Variants in MYCBPAP observed in about 807,000 individuals in gnomAD.
MYCBPAP encodes the protein MYCBP associated protein.
Under a neutral mutation model 106.1 loss-of-function variants are expected in MYCBPAP, and 60 were observed. The ratio of observed to expected loss-of-function variants is 0.57; its 90% confidence interval spans 0.46 to 0.70. MYCBPAP has a LOEUF of 0.70. MYCBPAP is among the 30% of genes least tolerant of loss of function. The pLI is 0.00. For synonymous variants in MYCBPAP, 407 were observed against 440.6 expected (o/e 0.92, Z 0.95); for missense variants, 1,064 against 1,169.3 (o/e 0.91, Z 1.31).
At chr17:50,522,890 C>G (rs774744477) in intron 10 of MYCBPAP, 49 bp from the exon 11 acceptor site, 6 of 1,575,442 alleles carry the variant, frequency 3.8e-6, no homozygotes, top group South Asian at 3.5e-5. Flanking sequence ...GTTGTTCACT[C>G]TAGGCCAGGG....
At chr17:50,520,969 G>A in intron 7 of MYCBPAP, 141 bp from the exon 8 acceptor site, 2 of 662,838 alleles carry the variant, frequency 3.0e-6, no homozygotes, top group Non-Finnish European at 5.2e-6. Flanking sequence ...GAGAACGGGA[G>A]TCTAGCTGCC....
At position 50,526,315 on chromosome 17, in the gene MYCBPAP, G is replaced by A. The variant is rs200781772; in HGVS notation, c.2169+48G>A. The A allele has an allele frequency of 1.2e-4, 183 of 1,523,584 alleles. 2 individuals are homozygous for A. The East Asian group carries it at 3.8e-3, about 32-fold the overall frequency. The allele number at this position is 1,523,584 out of a possible 1,614,324, so 94.4% of individuals were successfully genotyped here. A position where few individuals can be genotyped will look rare whatever the true frequency, so the allele number is the denominator to read the frequency against. ...CAATGGTAGAGAATATTCCTGCCTC[G>A]AACCAACAAGGGAGGACCCAGCAGC... On this transcript the variant is annotated intron_variant, in intron 14 of 18. Transcript: ENST00000323776.
intron 6 of MYCBPAP, 32 bp downstream of exon 6, chr17:50,519,121 A>C (rs1432853018): frequency 8.2e-6 from 5 of 609,166 alleles, no homozygotes; most frequent in East Asian, 1.3e-4. Context: ...GCCCGGGGGC[A>C]GGGGGGTCCA....
chr17:50,518,361 G>A (rs1299887828), intron 4 of MYCBPAP, among the ~76,000 whole-genome samples, 180 bp from the exon 5 acceptor site: 1 of 152,232 alleles, frequency 6.6e-6, no homozygotes, highest in Admixed American at 6.5e-5. Flanking sequence ...ACTGACAGCT[G>A]CTTTCAGGGC....
chr17:50,530,219 T>C (rs547950308), intron 18 of MYCBPAP: 25 of 439,058 alleles, frequency 5.7e-5, no homozygotes, highest in African/African-American at 4.6e-4. Context: ...GCAGACCAGG[T>C]GCGGTGGCTC....
intron 15 of MYCBPAP, 97 bp from the exon 16 acceptor site, chr17:50,528,058 G>C: frequency 2.1e-6 from 2 of 970,000 alleles, no homozygotes; most frequent in African/African-American, 1.6e-5. Context: ...ACAGCAGCTC[G>C]TGGCACCAGG....
intron 7 of MYCBPAP, 57 bp from the exon 8 acceptor site, chr17:50,521,053 G>A: frequency 3.6e-6 from 5 of 1,395,508 alleles, no homozygotes; most frequent in Non-Finnish European, 4.0e-6. Flanking sequence ...TTGAGAAGTG[G>A]GTGAGCAAGG....
Position 50,518,724 on chromosome 17 carries a change from G to A in MYCBPAP, c.652G>A (p.Glu218Lys), listed in dbSNP as rs763346426. 29 of 1,576,926 alleles carry A rather than the reference G, an allele frequency of 1.8e-5. No homozygotes were observed. The highest frequency in any genetic ancestry group is 2.3e-5 in the Non-Finnish European group (27 of 1,165,142). Residue 218 changes from glutamate to lysine, a missense_variant and splice_region_variant, in exon 5 of 19, where the codon GAA becomes AAA. Physicochemically the swap from Glu to Lys is moderately conservative, Grantham distance 56. Coordinates refer to ENST00000323776, the MANE Select transcript of MYCBPAP (RefSeq NM_032133.6). ...LRKKQQEALS[E>K]HLKKPVSELL... ...GAAGAAGCAGCAGGAAGCCCTCAGCGGTGAGCAGAGCAGACAGGGCTCCCG... is the reference window on the plus strand; with the variant it reads ...GAAGAAGCAGCAGGAAGCCCTCAGCAGTGAGCAGAGCAGACAGGGCTCCCG...
intron 6 of MYCBPAP, 115 bp downstream of exon 6, chr17:50,519,204 A>G: frequency 4.3e-6 from 3 of 700,040 alleles, no homozygotes; most frequent in Non-Finnish European, 7.2e-6. Flanking sequence ...GGGAGAAAAA[A>G]CCTATCCATT....
chr17:50,510,535 A>ATGTATTT (rs2033808378), intron 1 of MYCBPAP: 1 of 130,688 alleles, frequency 7.7e-6, no homozygotes, highest in Non-Finnish European at 1.6e-5. Flanking sequence ...ATATATATAT[A>ATGTATTT]TGTATTTTGA....
chr17:50,528,908 G>A (rs2034546789), intron 17 of MYCBPAP, 68 bp downstream of exon 17: 2 of 1,600,834 alleles, frequency 1.2e-6, no homozygotes, highest in East Asian at 2.2e-5. Context: ...GGAGGTGGGG[G>A]CTGTGGAGGT....
chr17:50,511,491 G>A (rs559336115), intron 1 of MYCBPAP, among the ~76,000 whole-genome samples: 2 of 152,202 alleles, frequency 1.3e-5, no homozygotes, highest in East Asian at 1.9e-4. Context: ...CACTAAAAAC[G>A]AATAATACTT....
At chr17:50,508,401 T>C, upstream of MYCBPAP, 1 of 692,576 alleles carries the variant, frequency 1.4e-6, no homozygotes, top group South Asian at 2.3e-5. Context: ...GTCACGGCGC[T>C]CGTCGGCGCC....
At chr17:50,525,304 C>T (rs1192220648) in intron 13 of MYCBPAP, among the ~76,000 whole-genome samples, 2 of 152,230 alleles carry the variant, frequency 1.3e-5, no homozygotes, top group Admixed American at 1.3e-4. Context: ...CCCCAACTCC[C>T]TGCCATCCGT....
chr17:50,529,715 C>G (rs773627490), intron 18 of MYCBPAP: 1 of 455,714 alleles, frequency 2.2e-6, no homozygotes, highest in Non-Finnish European at 4.4e-6. Context: ...AGAACAGACT[C>G]TAGGGGAACA....
At chr17:50,524,711 C>CGTGTGTGTGTGTGTGTGTGT (rs1555621272) in intron 12 of MYCBPAP, among the ~76,000 whole-genome samples, 166 bp from the exon 13 acceptor site, 2 of 138,844 alleles carry the variant, frequency 1.4e-5, no homozygotes, top group African/African-American at 2.9e-5. Context: ...TTAGAACAGG[C>CGTGTGTGTGTGTGTGTGTGT]GTGTGTGTGT....
upstream of MYCBPAP, chr17:50,508,422 T>C (rs1226110255): frequency 1.1e-6 from 1 of 902,600 alleles, no homozygotes; most frequent in Non-Finnish European, 1.6e-6. Context: ...GCCTGTGGCG[T>C]CACAGGCCGG....
chr17:50,529,876 C>G, intron 18 of MYCBPAP: 1 of 451,802 alleles, frequency 2.2e-6, no homozygotes, highest in South Asian at 1.6e-5. Flanking sequence ...TCTTAAGTAG[C>G]AGGTCCTTAG....
chr17:50,515,254 C>A (rs987855309), intron 1 of MYCBPAP, among the ~76,000 whole-genome samples: 1 of 152,092 alleles, frequency 6.6e-6, no homozygotes, highest in East Asian at 1.9e-4. Context: ...TTGTTCCCCC[C>A]CACCATGTTC....
Sources: gnomAD v4.1 joint callset for allele counts (sites outside exome capture counted in the v4.1 genomes callset) on GRCh38, gnomAD v4.1.1 for gene constraint, MANE v1.5 for transcripts, NCBI Gene and HGNC (gene_info 2026-07-23, HGNC 2026-07-21) for gene names.